The following PPA2 variants were observed in gnomAD, a reference collection of about 807,000 sequenced individuals.
PPA2 encodes inorganic pyrophosphatase 2, mitochondrial.
PPA2 carries 48 observed loss-of-function variants against 49.5 expected under a neutral mutation model. The observed-to-expected ratio is 0.97, with a 90% CI of 0.77 to 1.23. The LOEUF is 1.23. PPA2 is among the 50% of genes most tolerant of loss of function. PPA2 has a pLI of 0.00. For missense variants in PPA2, 429 were observed against 410.1 expected (o/e 1.05, Z -0.40); for synonymous variants, 131 against 139.9 (o/e 0.94, Z 0.45).
At chr4:105,428,995 T>C (rs1486054358) in intron 6 of PPA2, among the ~76,000 whole-genome samples, 1 of 152,172 alleles carries the variant, frequency 6.6e-6, no homozygotes, top group South Asian at 2.1e-4. Context: ...TTTGCAGAAT[T>C]CTCACACAAT....
chr4:105,453,890 C>T (rs1478605127), intron 2 of PPA2: 2 of 343,580 alleles, frequency 5.8e-6, no homozygotes, highest in African/African-American at 4.2e-5. Flanking sequence ...CGTATATTTT[C>T]CCAGTTTTTA....
chr4:105,452,462 C>T (rs1437077981), intron 3 of PPA2, among the ~76,000 whole-genome samples: 2 of 152,262 alleles, frequency 1.3e-5, no homozygotes, highest in Admixed American at 6.5e-5. Flanking sequence ...CCCTATCCAG[C>T]GGAGAATCTG....
intron 1 of PPA2, among the ~76,000 whole-genome samples, chr4:105,461,379 T>A (rs961385516): frequency 2.6e-5 from 4 of 152,178 alleles, no homozygotes; most frequent in African/African-American, 9.7e-5. Flanking sequence ...ACATTCTCCA[T>A]AGATTCGCCA....
At chr4:105,387,524 T>TA (rs1733732067) in intron 9 of PPA2, among the ~76,000 whole-genome samples, 1 of 152,232 alleles carries the variant, frequency 6.6e-6, no homozygotes, top group Non-Finnish European at 1.5e-5. Flanking sequence ...ATATCGGTGA[T>TA]AAAAACATCT....
intron 3 of PPA2, 30 bp downstream of exon 3, chr4:105,453,568 A>G (rs995788911): frequency 2.0e-6 from 3 of 1,527,096 alleles, no homozygotes; most frequent in African/African-American, 2.8e-5. Flanking sequence ...TATAAAAGTG[A>G]TTCACAAAAA....
intron 9 of PPA2, among the ~76,000 whole-genome samples, chr4:105,395,855 ACT>A (rs1734118204): frequency 6.6e-6 from 1 of 152,184 alleles, no homozygotes; most frequent in Admixed American, 6.5e-5. Flanking sequence ...TGTTTATGTT[ACT>A]GTTACTTAAT....
chr4:105,401,701 A>C (rs1722199854), intron 7 of PPA2, among the ~76,000 whole-genome samples: 3 of 152,218 alleles, frequency 2.0e-5, no homozygotes, highest in Admixed American at 1.3e-4. Context: ...ATAATCTGGA[A>C]AAGCTATATA....
intron 7 of PPA2, among the ~76,000 whole-genome samples, chr4:105,403,308 G>A (rs1376900810): frequency 1.3e-5 from 2 of 152,124 alleles, no homozygotes; most frequent in East Asian, 1.9e-4. Context: ...GCCTCCCAAA[G>A]TGTTGGGATT....
intron 2 of PPA2, 83 bp from the exon 3 acceptor site, chr4:105,453,725 T>A: frequency 9.6e-7 from 1 of 1,044,746 alleles, no homozygotes; most frequent in Non-Finnish European, 1.4e-6. Flanking sequence ...ATATGACTAT[T>A]GTATAGACAT....
At chr4:105,449,207 A>G in intron 4 of PPA2, 143 bp downstream of exon 4, 1 of 325,494 alleles carries the variant, frequency 3.1e-6, no homozygotes, top group Non-Finnish European at 4.9e-6. Flanking sequence ...ACAGAGCGAG[A>G]CTCCGTCTCA....
chr4:105,465,578 G>A (rs1298973884), intron 1 of PPA2, among the ~76,000 whole-genome samples: 1 of 152,210 alleles, frequency 6.6e-6, no homozygotes, highest in African/African-American at 2.4e-5. Flanking sequence ...TTGCATGTGA[G>A]GCCAATTTCT....
intron 9 of PPA2, among the ~76,000 whole-genome samples, chr4:105,395,720 A>G (rs913343189): frequency 2.0e-5 from 3 of 152,154 alleles, no homozygotes; most frequent in Non-Finnish European, 2.9e-5. Context: ...AGGATTACAG[A>G]ATCTTTATTT....
chr4:105,408,457 ATTTTTG>A (rs1220259064), intron 7 of PPA2, among the ~76,000 whole-genome samples: 4 of 152,182 alleles, frequency 2.6e-5, no homozygotes, highest in Non-Finnish European at 1.5e-5. Flanking sequence ...TGGGAGATAG[ATTTTTG>A]TGTCAGGAGG....
At chr4:105,385,718 A>C (rs187629243) in intron 10 of PPA2, among the ~76,000 whole-genome samples, 40 of 152,268 alleles carry the variant, frequency 2.6e-4, no homozygotes, top group Non-Finnish European at 8.8e-5. Flanking sequence ...AGTTGCCTCT[A>C]TGCAGCATTA....
chr4:105,377,276 C>T (rs1002020234), intron 10 of PPA2, among the ~76,000 whole-genome samples: 10 of 152,088 alleles, frequency 6.6e-5, no homozygotes, highest in African/African-American at 2.4e-4. Context: ...TCTCTTTGAT[C>T]GATTTAACTC....
intron 9 of PPA2, among the ~76,000 whole-genome samples, chr4:105,392,865 T>A (rs1733980787): frequency 6.6e-6 from 1 of 152,136 alleles, no homozygotes; most frequent in South Asian, 2.1e-4. Flanking sequence ...ATTTAGTAAC[T>A]GACAGATGTA....
chr4:105,407,867 G>A (rs79707291), intron 7 of PPA2, among the ~76,000 whole-genome samples: 1 of 152,164 alleles, frequency 6.6e-6, no homozygotes, highest in Non-Finnish European at 1.5e-5. Flanking sequence ...CTGCACAGGG[G>A]TATGTGGGAA....
intron 1 of PPA2, chr4:105,473,568 G>A (rs773578958): frequency 7.4e-6 from 4 of 538,528 alleles, no homozygotes; most frequent in South Asian, 6.2e-5. Context: ...AATGGCTGCA[G>A]GCCGCCGCGG....
At chr4:105,419,052 T>C (rs1242725161) in intron 7 of PPA2, among the ~76,000 whole-genome samples, 2 of 152,198 alleles carry the variant, frequency 1.3e-5, no homozygotes, top group African/African-American at 2.4e-5. Context: ...GGAGTCTTAT[T>C]AACTCTTTCA....
Sources: allele counts gnomAD v4.1 joint callset (sites outside exome capture counted in the v4.1 genomes callset), GRCh38; gene constraint gnomAD v4.1.1; transcripts MANE v1.5; gene names NCBI Gene and HGNC (gene_info 2026-07-23, HGNC 2026-07-21).